Variants in JAM3 observed in about 807,000 individuals in gnomAD.
The protein encoded by JAM3 is junctional adhesion molecule 3, also known as junctional adhesion molecule C.
In JAM3, 31 loss-of-function variants were observed where a neutral mutation model predicts 39.4. The ratio of observed to expected loss-of-function variants is 0.79; its 90% confidence interval spans 0.59 to 1.06. JAM3 has a LOEUF of 1.06. JAM3 is among the 50% of genes least tolerant of loss of function. The probability of loss-of-function intolerance (pLI) is 0.00; values close to 1 mark genes in which losing one functional copy is unlikely to be tolerated. For missense variants in JAM3, 455 were observed against 391.4 expected (o/e 1.16, Z -1.37); for synonymous variants, 182 against 148.7 (o/e 1.22, Z -1.63).
chr11:134,123,135 G>A (rs895986124), intron 1 of JAM3, among the ~76,000 whole-genome samples: 27 of 152,144 alleles, frequency 1.8e-4, no homozygotes, highest in African/African-American at 6.5e-4. Context: ...AAGCTAACAT[G>A]AACACCCTTT....
intron 1 of JAM3, among the ~76,000 whole-genome samples, chr11:134,129,499 C>G (rs1490873691): frequency 6.6e-6 from 1 of 152,086 alleles, no homozygotes. Context: ...ATTACTGTCT[C>G]AAATTTAAAG....
chr11:134,102,584 C>T (rs1004906758), intron 1 of JAM3, among the ~76,000 whole-genome samples: 13 of 152,168 alleles, frequency 8.5e-5, no homozygotes, highest in South Asian at 2.1e-4. Flanking sequence ...GGAGGAAGTT[C>T]GAACCCATCG....
chr11:134,076,535 TAGAGATCTA>T (rs1387322702), intron 1 of JAM3, among the ~76,000 whole-genome samples: 3 of 152,208 alleles, frequency 2.0e-5, no homozygotes, highest in Non-Finnish European at 2.9e-5. Flanking sequence ...CTGAAGTTCT[TAGAGATCTA>T]AATCTGTTGT....
At chr11:134,070,882 A>G (rs1411501601) in intron 1 of JAM3, among the ~76,000 whole-genome samples, 2 of 152,232 alleles carry the variant, frequency 1.3e-5, no homozygotes, top group African/African-American at 2.4e-5. Flanking sequence ...TGGGATTCAC[A>G]TGCAGAGCGT....
chr11:134,095,997 G>C (rs1941975265), intron 1 of JAM3, among the ~76,000 whole-genome samples: 1 of 151,946 alleles, frequency 6.6e-6, no homozygotes, highest in African/African-American at 2.4e-5. Flanking sequence ...TTGTTTTTTT[G>C]AGATGGAGCC....
intron 8 of JAM3, 136 bp downstream of exon 8, chr11:134,148,954 TAACACACACACACA>T (rs1378324801): frequency 6.6e-6 from 5 of 763,344 alleles, no homozygotes; most frequent in African/African-American, 4.2e-5. Flanking sequence ...CCCTTCACAG[TAACACACACACACA>T]CACACACACA....
At chr11:134,074,600 G>C (rs921864628) in intron 1 of JAM3, among the ~76,000 whole-genome samples, 3 of 152,120 alleles carry the variant, frequency 2.0e-5, no homozygotes, top group Non-Finnish European at 2.9e-5. Context: ...CAAATGGTTA[G>C]CTGGAAAACT....
At chr11:134,113,456 C>G (rs1391669741) in intron 1 of JAM3, among the ~76,000 whole-genome samples, 1 of 152,102 alleles carries the variant, frequency 6.6e-6, no homozygotes, top group African/African-American at 2.4e-5. Context: ...GGTTTTTTGT[C>G]CTTGTGATAG....
chr11:134,140,839 C>A (rs746666984), intron 3 of JAM3, 69 bp downstream of exon 3: 2 of 1,548,784 alleles, frequency 1.3e-6, no homozygotes, highest in Non-Finnish European at 1.7e-6. Flanking sequence ...ACACTCTTGG[C>A]CAGAAACTTA....
intron 4 of JAM3, 23 bp from the exon 5 acceptor site, chr11:134,144,769 A>T: frequency 6.4e-7 from 1 of 1,565,402 alleles, no homozygotes; most frequent in Non-Finnish European, 8.6e-7. Context: ...GAGATCTTAA[A>T]CACCACCCCT....
At chr11:134,140,880 G>T in intron 3 of JAM3, 110 bp downstream of exon 3, 1 of 1,383,598 alleles carries the variant, frequency 7.2e-7, no homozygotes, top group Non-Finnish European at 9.6e-7. Flanking sequence ...TCTGTAGCTA[G>T]GACCGTTTTT....
chr11:134,099,479 T>C lies in JAM3; in HGVS notation c.76+30320T>C, dbSNP rs568760729. 2.6e-5 allele frequency among the ~76,000 whole-genome samples: 4 copies of C among 152,346 alleles called. No homozygotes were observed. In the South Asian group the frequency reaches 8.3e-4, roughly 32 times the overall value. ...CTCGCCCTCTCTCTGATGGTGGTAT[T>C]GAGGATAAGACAGTATTTGTCATCT... On this transcript the variant is annotated intron_variant, in intron 1 of 8. Coordinates refer to ENST00000299106, the MANE Select transcript of JAM3 (RefSeq NM_032801.5).
At position 134,149,454 on chromosome 11, in the gene JAM3, A is replaced by T; in HGVS notation, c.*273A>T. Reference sequence around the variant, plus strand: ...GGGTTCCTAATCTGTTTCTGGCCTGATTCCCGCATGAGTATTAGGGTGATC... The same window carrying T: ...GGGTTCCTAATCTGTTTCTGGCCTGTTTCCCGCATGAGTATTAGGGTGATC... On this transcript the variant is annotated 3_prime_UTR_variant, in exon 9 of 9. Coordinates refer to ENST00000299106, the MANE Select transcript of JAM3 (RefSeq NM_032801.5). The T allele has an allele frequency of 1.7e-6, 1 of 584,766 alleles. No homozygotes were observed. The highest frequency in any genetic ancestry group is 3.1e-6 in the Non-Finnish European group (1 of 325,272). The allele number at this position is 584,766 out of a possible 1,614,324, so 36.2% of individuals were successfully genotyped here.
In JAM3 at chr11:134,139,856, C is replaced by A; in HGVS notation, c.82C>A (p.Leu28Met). ...FFLLLLFRGC[L>M]IGAVNLKSSN... Reference sequence around the variant, plus strand: ...TACTTTTCTTTCTCCTTCAGGCTGCCTGATAGGGGCTGTAAATCTCAAATC... The same window carrying A: ...TACTTTTCTTTCTCCTTCAGGCTGCATGATAGGGGCTGTAAATCTCAAATC... The change falls in exon 2 of 9, where the codon CTG (leucine) becomes ATG (methionine). Residue 28 changes from leucine (L) to methionine (M), a missense_variant. Leu to Met is a conservative substitution (Grantham distance 15, BLOSUM62 2). Coordinates refer to ENST00000299106, the MANE Select transcript of JAM3 (RefSeq NM_032801.5). 2 of 1,613,642 alleles carry A rather than the reference C, an allele frequency of 1.2e-6. No individual in the cohort carries two copies. Among genetic ancestry groups the A allele is most frequent in the South Asian group, 2.2e-5 (2 of 91,076 alleles).
chr11:134,102,942 G>T (rs1448446758), intron 1 of JAM3, among the ~76,000 whole-genome samples: 1 of 152,150 alleles, frequency 6.6e-6, no homozygotes, highest in African/African-American at 2.4e-5. Context: ...CACTCTGCAG[G>T]ATATTATCCA....
At chr11:134,089,995 G>A (rs1446720246) in intron 1 of JAM3, among the ~76,000 whole-genome samples, 1 of 152,090 alleles carries the variant, frequency 6.6e-6, no homozygotes, top group Non-Finnish European at 1.5e-5. Flanking sequence ...TTTAATGATC[G>A]CCATTCTAAC....
chr11:134,115,878 C>G (rs144168693), intron 1 of JAM3, among the ~76,000 whole-genome samples: 7 of 152,176 alleles, frequency 4.6e-5, no homozygotes, highest in African/African-American at 1.7e-4. Flanking sequence ...GCCTGGGTGA[C>G]AGAATGAGAC....
intron 1 of JAM3, 43 bp downstream of exon 1, chr11:134,069,202 G>A: frequency 6.2e-7 from 1 of 1,601,488 alleles, no homozygotes; most frequent in Non-Finnish European, 8.5e-7. Context: ...AGGGTCTGGG[G>A]GCGACGGAAG....
chr11:134,088,202 C>A (rs1425602661), intron 1 of JAM3, among the ~76,000 whole-genome samples: 1 of 152,196 alleles, frequency 6.6e-6, no homozygotes, highest in Non-Finnish European at 1.5e-5. Context: ...TTCACAGTTT[C>A]ATTCCATTCC....
Sources: gnomAD v4.1 joint callset for allele counts (sites outside exome capture counted in the v4.1 genomes callset) on GRCh38, gnomAD v4.1.1 for gene constraint, MANE v1.5 for transcripts, NCBI Gene and HGNC (gene_info 2026-07-23, HGNC 2026-07-21) for gene names.